Variants in HABP2 observed in about 807,000 individuals in gnomAD.
HABP2 encodes factor VII-activating protease.
In HABP2, 65 loss-of-function variants were observed where a neutral mutation model predicts 66.5. The observed-to-expected ratio is 0.98, with a 90% CI of 0.80 to 1.20. HABP2 has a LOEUF of 1.20. HABP2 is among the 50% of genes most tolerant of loss of function. The pLI is 0.00. For synonymous variants in HABP2, 263 were observed against 253.9 expected, an observed-to-expected ratio of 1.04 and a Z score of -0.34; for missense variants, 786 against 691.0, an observed-to-expected ratio of 1.14 and a Z score of -1.54.
rs146951010 is a variant in HABP2 at position 113,568,673 on chromosome 10, C to T, written c.106+1148C>T. On this transcript the variant is annotated intron_variant, in intron 2 of 12. Coordinates refer to ENST00000351270, the MANE Select transcript of HABP2 (RefSeq NM_004132.5). ...GCTGATGAACACACCACCACCCACA[C>T]GTGGAGTCCAGGGAGGAGCCAAGAC... Among the ~76,000 whole-genome samples the T allele has an allele frequency of 2.8e-4, 42 of 152,278 alleles. No individual in the cohort carries two copies. In the East Asian group the frequency reaches 4.6e-3, roughly 17 times the overall value.
chr10:113,587,891 C>G (rs1341269326), intron 12 of HABP2, among the ~76,000 whole-genome samples: 1 of 151,986 alleles, frequency 6.6e-6, no homozygotes, highest in Non-Finnish European at 1.5e-5. Context: ...AACCTCCTCC[C>G]CTATGTGTGC....
intron 12 of HABP2, among the ~76,000 whole-genome samples, chr10:113,587,603 A>G (rs570738117): frequency 6.6e-6 from 1 of 152,286 alleles, no homozygotes; most frequent in Non-Finnish European, 1.5e-5. Flanking sequence ...TAAGTTTTTG[A>G]GAGCTATCAC....
chr10:113,575,664 G>A (rs1535426), intron 3 of HABP2, among the ~76,000 whole-genome samples: 2 of 151,914 alleles, frequency 1.3e-5, no homozygotes, highest in East Asian at 1.9e-4. Flanking sequence ...GGAGACAGTC[G>A]TGGTTCCTTC....
intron 1 of HABP2, among the ~76,000 whole-genome samples, chr10:113,565,928 A>AT (rs1458948344): frequency 6.6e-6 from 1 of 152,276 alleles, no homozygotes; most frequent in East Asian, 1.9e-4. Flanking sequence ...CAGGGTAACT[A>AT]TTTTTGCCAA....
At chr10:113,573,065 T>C (rs11575736) in intron 2 of HABP2, among the ~76,000 whole-genome samples, 2,208 of 152,330 alleles carry the variant, frequency 0.014, 64 homozygotes, top group African/African-American at 0.05. Flanking sequence ...GAGTGCCTTT[T>C]CAAGTCAGCT....
Position 113,588,921 on chromosome 10 carries a change from T to C in HABP2, c.*552T>C. 1 of 1,419,110 alleles carries C rather than the reference T, an allele frequency of 7.0e-7. No homozygotes were observed. The highest frequency in any genetic ancestry group is 2.3e-5 in the East Asian group (1 of 43,884). 87.9% of individuals were successfully genotyped at this position (1,419,110 alleles called of 1,614,324 possible). ...CGAAATCAAAGCCATCTGAAGCCTG[T>C]CTCTGGTGAACAAACTTCCTCTCTG... On this transcript the variant is annotated 3_prime_UTR_variant, in exon 13 of 13. Coordinates refer to ENST00000351270, the MANE Select transcript of HABP2 (RefSeq NM_004132.5).
intron 2 of HABP2, among the ~76,000 whole-genome samples, chr10:113,568,915 A>G (rs1845251702): frequency 6.6e-6 from 1 of 152,158 alleles, no homozygotes; most frequent in Non-Finnish European, 1.5e-5. Context: ...AGTTCATGAC[A>G]CCCTGGAATT....
chr10:113,570,849 G>A (rs1209626647), intron 2 of HABP2, among the ~76,000 whole-genome samples: 1 of 152,210 alleles, frequency 6.6e-6, no homozygotes, highest in South Asian at 2.1e-4. Context: ...TTTGTGCTGG[G>A]CACTCTGGGG....
upstream of HABP2, chr10:113,550,989 T>A (rs1041440902): frequency 1.3e-5 from 2 of 152,228 alleles, no homozygotes; most frequent in Non-Finnish European, 2.9e-5. Context: ...ATTAATGGAG[T>A]GTTCATGAAT....
Position 113,574,239 on chromosome 10 carries a change from A to G in HABP2, c.107-50A>G, listed in dbSNP as rs778401209. ...GTCCAACTAAATAAAATGCTGGCCT[A>G]TTTGAGTGTAATGATTAGGATTTCT... On this transcript the variant is annotated intron_variant, in intron 2 of 12. Coordinates refer to ENST00000351270, the MANE Select transcript of HABP2 (RefSeq NM_004132.5). 4.4e-6 allele frequency: 4 copies of G among 915,920 alleles called. No individual in the cohort carries two copies. In the African/African-American group the frequency reaches 6.5e-5, roughly 15 times the overall value. 56.7% of individuals were successfully genotyped at this position (915,920 alleles called of 1,614,324 possible).
intron 7 of HABP2, 95 bp downstream of exon 7, chr10:113,578,893 T>G (rs2133774995): frequency 1.2e-6 from 1 of 863,282 alleles, no homozygotes; most frequent in Non-Finnish European, 1.9e-6. Context: ...GAAGATTTTC[T>G]TACTCAGCAA....
intron 1 of HABP2, among the ~76,000 whole-genome samples, chr10:113,554,358 C>T (rs1227278403): frequency 1.3e-5 from 2 of 152,174 alleles, no homozygotes; most frequent in Non-Finnish European, 2.9e-5. Context: ...CTCCATAGAG[C>T]GTTTCCTGAA....
Position 113,578,620 on chromosome 10 carries a change from C to T in HABP2, c.569-7C>T. On this transcript the variant is annotated splice_region_variant and splice_polypyrimidine_tract_variant and intron_variant, in intron 6 of 12. Transcript: ENST00000351270. The stretch of plus-strand genomic sequence containing the variant: ...TGGTTCTCACATTGCTACCTGCTCT[C>T]TCGGAGGTTCTGATGACTGCTATGT... The T allele has an allele frequency of 6.2e-7, 1 of 1,607,342 alleles. No individual in the cohort carries two copies. The highest frequency in any genetic ancestry group is 8.5e-7 in the Non-Finnish European group (1 of 1,175,160).
intron 12 of HABP2, among the ~76,000 whole-genome samples, chr10:113,587,335 AAAC>A (rs1388918209): frequency 5.5e-5 from 7 of 128,390 alleles, no homozygotes; most frequent in Admixed American, 8.7e-5. Context: ...AAAAACAAAC[AAAC>A]AAAAAAAAAC....
At chr10:113,554,241 G>T (rs574881889) in intron 1 of HABP2, among the ~76,000 whole-genome samples, 1 of 152,146 alleles carries the variant, frequency 6.6e-6, no homozygotes, top group African/African-American at 2.4e-5. Context: ...AGAATGCTCC[G>T]CCTTGTTCGG....
intron 4 of HABP2, 72 bp downstream of exon 4, chr10:113,576,076 C>G: frequency 1.2e-6 from 1 of 845,978 alleles, no homozygotes; most frequent in Non-Finnish European, 2.1e-6. Context: ...TGTGAGAAAG[C>G]ACTGCGCAAT....
At chr10:113,571,559 C>T (rs1015515339) in intron 2 of HABP2, among the ~76,000 whole-genome samples, 6 of 152,182 alleles carry the variant, frequency 3.9e-5, no homozygotes, top group Admixed American at 3.3e-4. Context: ...GACTCCATCT[C>T]TTGGTGGGAG....
chr10:113,563,455 T>C (rs1452613711), intron 1 of HABP2, among the ~76,000 whole-genome samples: 2 of 152,088 alleles, frequency 1.3e-5, no homozygotes, highest in Non-Finnish European at 2.9e-5. Flanking sequence ...CCACGGCCCC[T>C]CTCTGTGGGT....
chr10:113,563,543 G>A (rs972615473), intron 1 of HABP2, among the ~76,000 whole-genome samples: 1 of 151,174 alleles, frequency 6.6e-6, no homozygotes, highest in African/African-American at 2.4e-5. Flanking sequence ...GCTGCACATC[G>A]GCTTCAGGCT....
Sources: gnomAD v4.1 joint callset for allele counts (sites outside exome capture counted in the v4.1 genomes callset) on GRCh38, gnomAD v4.1.1 for gene constraint, MANE v1.5 for transcripts, NCBI Gene and HGNC (gene_info 2026-07-23, HGNC 2026-07-21) for gene names.